ANKRD30BL: variants seen among roughly 807,000 people sequenced by gnomAD.
The protein encoded by ANKRD30BL is putative ankyrin repeat domain-containing protein 30B-like.
ANKRD30BL carries 20 observed loss-of-function variants against 18.4 expected under a neutral mutation model. The ratio of observed to expected loss-of-function variants is 1.09; its 90% CI spans 0.77 to 1.58. ANKRD30BL has a LOEUF of 1.58. Ranked by LOEUF, ANKRD30BL falls within the 40% of genes most tolerant of loss-of-function variation. The pLI, the probability that ANKRD30BL is intolerant of heterozygous loss-of-function variation, is 0.00. For missense variants in ANKRD30BL, 224 were observed against 268.6 expected (o/e 0.83, Z 1.16); for synonymous variants, 72 against 100.9 (o/e 0.71, Z 1.72).
intron 1 of ANKRD30BL, among the ~76,000 whole-genome samples, chr2:132,176,443 G>A (rs982753475): frequency 1.1e-4 from 17 of 152,046 alleles, no homozygotes; most frequent in East Asian, 1.9e-4. Flanking sequence ...CAGAAGAATC[G>A]CTTGAACCTG....
At chr2:132,150,329 T>G in intron 5 of ANKRD30BL, among the ~76,000 whole-genome samples, 1 of 144,790 alleles carries the variant, frequency 6.9e-6, no homozygotes, top group Non-Finnish European at 1.5e-5. Flanking sequence ...ACAGTTTATT[T>G]AACTGTGTTT....
At chr2:132,209,973 T>C (rs879987530) in intron 1 of ANKRD30BL, among the ~76,000 whole-genome samples, 1 of 152,070 alleles carries the variant, frequency 6.6e-6, no homozygotes, top group South Asian at 2.1e-4. Context: ...TTTTGTAGAA[T>C]CTGCGAGTGG....
chr2:132,219,933 T>A (rs201857826), intron 1 of ANKRD30BL, among the ~76,000 whole-genome samples: 2 of 151,978 alleles, frequency 1.3e-5, no homozygotes, highest in Non-Finnish European at 2.9e-5. Context: ...GAAACACTCT[T>A]TTTGCAGAAT....
At chr2:132,228,205 T>C (rs987732195) in intron 1 of ANKRD30BL, among the ~76,000 whole-genome samples, 2 of 152,128 alleles carry the variant, frequency 1.3e-5, no homozygotes, top group African/African-American at 4.8e-5. Context: ...TTTTGTAGAA[T>C]CTGCAAGTTA....
intron 1 of ANKRD30BL, among the ~76,000 whole-genome samples, chr2:132,214,810 C>T (rs138535821): frequency 6.6e-6 from 1 of 151,690 alleles, no homozygotes; most frequent in Non-Finnish European, 1.5e-5. Flanking sequence ...ATTTGGAGTG[C>T]TTTGAGGCCT....
intron 1 of ANKRD30BL, among the ~76,000 whole-genome samples, chr2:132,250,687 C>A (rs1680626326): frequency 6.6e-6 from 1 of 152,196 alleles, no homozygotes; most frequent in African/African-American, 2.4e-5. Context: ...AGCAGAAATG[C>A]AATACAATCT....
intron 1 of ANKRD30BL, among the ~76,000 whole-genome samples, chr2:132,196,394 G>A (rs1678970471): frequency 6.6e-6 from 1 of 152,158 alleles, no homozygotes; most frequent in East Asian, 1.9e-4. Context: ...GGATTGCAGT[G>A]AGCAGAGATC....
intron 1 of ANKRD30BL, among the ~76,000 whole-genome samples, chr2:132,249,747 C>G (rs1328266739): frequency 6.6e-6 from 1 of 152,166 alleles, no homozygotes; most frequent in Non-Finnish European, 1.5e-5. Flanking sequence ...TGGTTCAACT[C>G]TGTGAGATGA....
intron 1 of ANKRD30BL, among the ~76,000 whole-genome samples, chr2:132,182,045 A>G (rs1573821270): frequency 6.6e-6 from 1 of 151,946 alleles, no homozygotes; most frequent in East Asian, 1.9e-4. Context: ...CGGGAGGTGG[A>G]GGAGGTTGCT....
rs1327579320 is a variant in ANKRD30BL, at chr2:132,220,338, C to CTCCCTG, written n.441+37190_441+37191insCAGGGA. On this transcript the variant is annotated intron_variant and non_coding_transcript_variant, in intron 1 of 4. Coordinates refer to the ANKRD30BL transcript ENST00000470729. ...TCTCCCTCTCCCTGTCCCTCTCCCT[C>CTCCCTG]TCCCTCTCCCTGTCCCTCTCCCTCT... 2.3e-3 allele frequency among the ~76,000 whole-genome samples: 228 copies of CTCCCTG among 97,884 alleles called. 10 individuals carry two copies. Among genetic ancestry groups the CTCCCTG allele is most frequent in the African/African-American group, 0.011 (203 of 18,268 alleles). The allele number at this position is 97,884 out of a possible 152,430, so 64.2% of individuals were successfully genotyped here.
intron 1 of ANKRD30BL, among the ~76,000 whole-genome samples, chr2:132,211,587 C>A (rs144574907): frequency 6.7e-6 from 1 of 148,460 alleles, no homozygotes; most frequent in African/African-American, 2.5e-5. Flanking sequence ...ACTAGACAGA[C>A]GCATTGTGAG....
At chr2:132,207,621 A>G (rs1679235455) in intron 1 of ANKRD30BL, among the ~76,000 whole-genome samples, 1 of 152,136 alleles carries the variant, frequency 6.6e-6, no homozygotes, top group African/African-American at 2.4e-5. Flanking sequence ...AGCACAGGGA[A>G]AGAACATGAT....
chr2:132,208,846 A>C (rs1368337823), intron 1 of ANKRD30BL, among the ~76,000 whole-genome samples: 1 of 151,802 alleles, frequency 6.6e-6, no homozygotes, highest in African/African-American at 2.4e-5. Context: ...CTTCACATAA[A>C]GACAAGAAAG....
chr2:132,161,560 C>A lies in ANKRD30BL; in HGVS notation c.146G>T (p.Gly49Val), dbSNP rs1333468969. 1 of 1,456,708 alleles carries A rather than the reference C, an allele frequency of 6.9e-7. No homozygotes were observed. Among genetic ancestry groups the A allele is most frequent in the Non-Finnish European group, 9.4e-7 (1 of 1,063,444 alleles). The allele number at this position is 1,456,708 out of a possible 1,614,324, so 90.2% of individuals were successfully genotyped here. Residue 49 changes from glycine (G) to valine (V), a missense_variant, in exon 1 of 6, where the codon GGC (glycine) becomes GTC (valine). Coordinates refer to ENST00000409867, the MANE Select transcript of ANKRD30BL (RefSeq NM_001358416.1). Reference sequence around the variant, plus strand: ...CATCCTCTCCAGCTTCCAGGCTTGGCCCCGGGAGGCAGCTTTGTGGATCTT... The same window carrying A: ...CATCCTCTCCAGCTTCCAGGCTTGGACCCGGGAGGCAGCTTTGTGGATCTT... The part of the protein sequence containing the change: ...LRKIHKAASR[G>V]QAWKLERMMK...
At chr2:132,197,103 C>A (rs1483675649) in intron 1 of ANKRD30BL, among the ~76,000 whole-genome samples, 1 of 152,252 alleles carries the variant, frequency 6.6e-6, no homozygotes, top group Admixed American at 6.5e-5. Context: ...GTAGAGAATA[C>A]TTATACACAA....
At chr2:132,164,361 G>C (rs906170770), upstream of ANKRD30BL, among the ~76,000 whole-genome samples, 1 of 148,328 alleles carries the variant, frequency 6.7e-6, no homozygotes, top group African/African-American at 2.5e-5. Context: ...CGTGATCTCG[G>C]CTCACTGCAA....
chr2:132,235,610 A>G (rs1052623161), intron 1 of ANKRD30BL, among the ~76,000 whole-genome samples: 3 of 152,134 alleles, frequency 2.0e-5, no homozygotes, highest in African/African-American at 7.2e-5. Flanking sequence ...AGAATAAAAT[A>G]CCTAGGAATC....
rs574952602 is a variant in ANKRD30BL at position 132,170,097 on chromosome 2, G to A, written n.442-12951C>T. Among the ~76,000 whole-genome samples, 14 of 152,130 alleles carry A rather than the reference G, an allele frequency of 9.2e-5. 1 individual carries two copies. In the South Asian group the frequency reaches 2.9e-3, roughly 32 times the overall value. ...TCCTCAATTTTATATACTACAGCTT[G>A]TAAGTGAAATACATCCTTCAAACCC... On this transcript the variant is annotated intron_variant and non_coding_transcript_variant, in intron 1 of 4. Transcript: ENST00000470729.
chr2:132,162,915 C>A (rs62161670), upstream of ANKRD30BL, among the ~76,000 whole-genome samples: 20,681 of 152,242 alleles, frequency 0.14, 1,666 homozygotes, highest in Admixed American at 0.23. Context: ...GTGCAGGTAG[C>A]GGCTACAGTT....
Sources: allele counts gnomAD v4.1 joint callset (sites outside exome capture counted in the v4.1 genomes callset), GRCh38; gene constraint gnomAD v4.1.1; transcripts MANE v1.5; gene names NCBI Gene and HGNC (gene_info 2026-07-23, HGNC 2026-07-21).